FBXO21: variants seen among roughly 807,000 people sequenced by gnomAD.
FBXO21 encodes the protein F-box protein 21, also known as F-box only protein 21.
In FBXO21, 32 loss-of-function variants were observed where a neutral mutation model predicts 76.6. The observed-to-expected ratio is 0.42, with a 90% confidence interval of 0.32 to 0.56. The LOEUF (loss-of-function observed/expected upper bound fraction) is 0.56. Ranked by LOEUF, FBXO21 falls within the 20% of genes least tolerant of loss-of-function variation. The probability of loss-of-function intolerance (pLI) is 0.16; values close to 1 mark genes in which losing one functional copy is unlikely to be tolerated. For missense variants in FBXO21, 586 were observed against 797.3 expected (o/e 0.73, Z 3.19); for synonymous variants, 328 against 311.5 (o/e 1.05, Z -0.56).
chr12:117,146,667 C>A (rs543360735), intron 11 of FBXO21, among the ~76,000 whole-genome samples: 111 of 152,316 alleles, frequency 7.3e-4, no homozygotes, highest in African/African-American at 2.6e-3. Context: ...GTTTCTGAAG[C>A]TGCCATGTCA....
chr12:117,181,665 T>A (rs1011637255), intron 3 of FBXO21, among the ~76,000 whole-genome samples: 1 of 151,914 alleles, frequency 6.6e-6, no homozygotes, highest in African/African-American at 2.4e-5. Context: ...TATCTATCTA[T>A]CTGAGACAGA....
At chr12:117,151,962 TAGTG>T (rs1161116695) in intron 11 of FBXO21, among the ~76,000 whole-genome samples, 1 of 151,978 alleles carries the variant, frequency 6.6e-6, no homozygotes, top group Admixed American at 6.6e-5. Context: ...TTAATTGAAA[TAGTG>T]AGTCACTATC....
chr12:117,172,718 T>G, intron 6 of FBXO21, 111 bp from the exon 7 acceptor site: 2 of 1,170,628 alleles, frequency 1.7e-6, no homozygotes, highest in Non-Finnish European at 2.4e-6. Flanking sequence ...TGCTCATTTG[T>G]GAGGCTTAAG....
In FBXO21 at chr12:117,143,150, G is replaced by A. The variant is rs777806577; in HGVS notation, c.*2937C>T. 2.0e-5 allele frequency: 3 copies of A among 152,206 alleles called. No homozygotes were observed. Among genetic ancestry groups the A allele is most frequent in the African/African-American group, 4.8e-5 (2 of 41,462 alleles). 9.4% of individuals were successfully genotyped at this position (152,206 alleles called of 1,614,324 possible). On this transcript the variant is annotated 3_prime_UTR_variant, in exon 12 of 12. Transcript: ENST00000622495. Reference sequence around the variant, plus strand: ...TAAACTCATTTTGGACATAACTGATGTCTCACTGAGACAGCTTTTCAAAGC... The same window carrying A: ...TAAACTCATTTTGGACATAACTGATATCTCACTGAGACAGCTTTTCAAAGC...
chr12:117,186,096 C>G (rs748244197), intron 3 of FBXO21, among the ~76,000 whole-genome samples: 1 of 152,138 alleles, frequency 6.6e-6, no homozygotes, highest in Non-Finnish European at 1.5e-5. Context: ...AGGCTGGTCG[C>G]GAACTCCTGA....
Position 117,177,782 on chromosome 12 carries a change from A to T in FBXO21, c.471-141T>A, listed in dbSNP as rs1956189682. Reference sequence around the variant, plus strand: ...CTCTTATAATAATTATAATGGAAATAGCAGTCTTTGAATTGTAATATAATA... The same window carrying T: ...CTCTTATAATAATTATAATGGAAATTGCAGTCTTTGAATTGTAATATAATA... On this transcript the variant is annotated intron_variant, in intron 3 of 11. Transcript: ENST00000622495. 9.3e-6 allele frequency: 6 copies of T among 644,408 alleles called. No homozygotes were observed. In the South Asian group the frequency reaches 1.4e-4, roughly 15 times the overall value. The allele number at this position is 644,408 out of a possible 1,614,324, so 39.9% of individuals were successfully genotyped here.
At chr12:117,161,701 GTCCAGTGC>G in intron 9 of FBXO21, among the ~76,000 whole-genome samples, 1 of 152,262 alleles carries the variant, frequency 6.6e-6, no homozygotes, top group South Asian at 2.1e-4. Flanking sequence ...CCAGGCAGGG[GTCCAGTGC>G]TCCAGCAGCC....
chr12:117,148,853 G>A (rs1408120492), intron 11 of FBXO21, among the ~76,000 whole-genome samples: 1 of 152,158 alleles, frequency 6.6e-6, no homozygotes, highest in Non-Finnish European at 1.5e-5. Flanking sequence ...GTGGTTTCAG[G>A]ACCTCCCACT....
chr12:117,159,463 T>C (rs948610886), intron 9 of FBXO21, among the ~76,000 whole-genome samples: 2 of 152,150 alleles, frequency 1.3e-5, no homozygotes, highest in Admixed American at 1.3e-4. Context: ...CAGTGTCATA[T>C]CCTAGCAAGA....
intron 11 of FBXO21, among the ~76,000 whole-genome samples, chr12:117,152,935 AT>A (rs1187431464): frequency 6.6e-6 from 1 of 152,140 alleles, no homozygotes; most frequent in Non-Finnish European, 1.5e-5. Flanking sequence ...AGCAAGAATG[AT>A]GACTTCAAAG....
chr12:117,145,897 A>G lies in FBXO21; in HGVS notation c.*190T>C, dbSNP rs117329242. The G allele has an allele frequency of 2.0e-6, 1 of 493,466 alleles. No individual in the cohort carries two copies. Among genetic ancestry groups the G allele is most frequent in the Non-Finnish European group, 3.6e-6 (1 of 281,588 alleles). 30.6% of individuals were successfully genotyped at this position (493,466 alleles called of 1,614,324 possible). ...GATTAATTCACTAGTGTAGGCGGAG[A>G]GCAACATTGTCTTTGCAGCTGGGGA... is the stretch of plus-strand genomic sequence containing the variant. On this transcript the variant is annotated 3_prime_UTR_variant, in exon 12 of 12. Transcript: ENST00000622495.
chr12:117,149,582 C>T (rs1024802867), intron 11 of FBXO21, among the ~76,000 whole-genome samples: 1 of 152,160 alleles, frequency 6.6e-6, no homozygotes, highest in Admixed American at 6.5e-5. Flanking sequence ...AGAGCTGCTG[C>T]CAGCTTGCAG....
intron 7 of FBXO21, among the ~76,000 whole-genome samples, chr12:117,172,013 C>T (rs576698265): frequency 6.6e-6 from 1 of 152,186 alleles, no homozygotes; most frequent in Non-Finnish European, 1.5e-5. Flanking sequence ...TTCTTTCCCT[C>T]CCTTCCTCTC....
At position 117,157,483 on chromosome 12, in the gene FBXO21, T is replaced by C. The variant is rs141902644; in HGVS notation, c.1517+390A>G. 1.9e-3 allele frequency among the ~76,000 whole-genome samples: 290 copies of C among 152,246 alleles called. 2 individuals carry two copies. Among genetic ancestry groups the C allele is most frequent in the Non-Finnish European group, 3.0e-3 (201 of 68,026 alleles). On this transcript the variant is annotated intron_variant, in intron 10 of 11. Transcript: ENST00000622495. ...ATACAGTTTAATTTTGCCTGGTAAA[T>C]AGACCAAGTGCCTATCGGATTTGAA...
intron 3 of FBXO21, 132 bp downstream of exon 3, chr12:117,186,345 T>A: frequency 1.4e-6 from 1 of 690,010 alleles, no homozygotes; most frequent in East Asian, 2.7e-5. Context: ...CACAGAACTT[T>A]TCAAAACTGT....
At chr12:117,168,877 A>T (rs974683764) in intron 7 of FBXO21, among the ~76,000 whole-genome samples, 1 of 152,228 alleles carries the variant, frequency 6.6e-6, no homozygotes, top group Non-Finnish European at 1.5e-5. Flanking sequence ...TGTTAGTGGG[A>T]GTGTAAATTA....
At chr12:117,188,225 C>T (rs1267118994) in intron 2 of FBXO21, among the ~76,000 whole-genome samples, 1 of 152,072 alleles carries the variant, frequency 6.6e-6, no homozygotes, top group East Asian at 1.9e-4. Context: ...TCCAGAGTTA[C>T]AAAAAGGGAT....
chr12:117,188,241 G>A (rs980184071), intron 2 of FBXO21, among the ~76,000 whole-genome samples: 3 of 152,130 alleles, frequency 2.0e-5, no homozygotes, highest in African/African-American at 7.2e-5. Context: ...GGGATCAGGG[G>A]CAGATACAGA....
Position 117,172,753 on chromosome 12 carries a change from G to C in FBXO21, c.877-146C>G, listed in dbSNP as rs540763330. 5.5e-5 allele frequency: 43 copies of C among 779,434 alleles called. No individual in the cohort carries two copies. In the South Asian group the frequency reaches 8.4e-4, roughly 15 times the overall value. The allele number at this position is 779,434 out of a possible 1,614,324, so 48.3% of individuals were successfully genotyped here. On this transcript the variant is annotated intron_variant, in intron 6 of 11. Coordinates refer to ENST00000622495, the MANE Select transcript of FBXO21 (RefSeq NM_015002.3). ...GTGAGTATTTCACTTATTTAGGTCA[G>C]GGGTGGGTAAACTATGGTCCATGGC...
Sources: gnomAD v4.1 joint callset for allele counts (sites outside exome capture counted in the v4.1 genomes callset) on GRCh38, gnomAD v4.1.1 for gene constraint, MANE v1.5 for transcripts, NCBI Gene and HGNC (gene_info 2026-07-23, HGNC 2026-07-21) for gene names.